SLC16A1: variants seen among roughly 807,000 people sequenced by gnomAD.
The protein encoded by SLC16A1 is solute carrier family 16 member 1.
SLC16A1 carries 11 observed loss-of-function variants against 32.2 expected under a neutral mutation model. The ratio of observed to expected loss-of-function variants is 0.34; its 90% confidence interval spans 0.21 to 0.56. The LOEUF is 0.56. Ranked by LOEUF, SLC16A1 falls within the 20% of genes least tolerant of loss-of-function variation. The pLI, the probability that SLC16A1 is intolerant of heterozygous loss-of-function variation, is 0.87. For synonymous variants in SLC16A1, 231 were observed against 226.8 expected, an observed-to-expected ratio of 1.02 and a Z score of -0.17; for missense variants, 435 against 615.0, an observed-to-expected ratio of 0.71 and a Z score of 3.10.
chr1:112,920,800 A>G (rs184578263), intron 3 of SLC16A1, among the ~76,000 whole-genome samples: 145 of 152,226 alleles, frequency 9.5e-4, no homozygotes, highest in African/African-American at 3.2e-3. Flanking sequence ...TAATAAGGGA[A>G]AAACATTGGA....
At chr1:112,945,133 G>A (rs544489241) in intron 1 of SLC16A1, among the ~76,000 whole-genome samples, 73 of 151,570 alleles carry the variant, frequency 4.8e-4, no homozygotes, top group Non-Finnish European at 9.6e-4. Context: ...TAAATAGCTC[G>A]GATTACAGGT....
At position 112,912,291 on chromosome 1, in the gene SLC16A1, T is replaced by C. The variant is rs1358136773; in HGVS notation, c.*1600A>G. ...ATTTAGCAAGGCCCAAAATGAAACC[T>C]GGTAATGAAAATGAAGACACAGCAA... On this transcript the variant is annotated 3_prime_UTR_variant, in exon 5 of 5. Coordinates refer to ENST00000369626, the MANE Select transcript of SLC16A1 (RefSeq NM_003051.4). 1.3e-5 allele frequency: 2 copies of C among 152,226 alleles called. No individual in the cohort carries two copies. The highest frequency in any genetic ancestry group is 2.9e-5 in the Non-Finnish European group (2 of 68,036). 9.4% of individuals were successfully genotyped at this position (152,226 alleles called of 1,614,324 possible).
chr1:112,944,449 G>A (rs915448922), intron 1 of SLC16A1, among the ~76,000 whole-genome samples: 15 of 152,056 alleles, frequency 9.9e-5, no homozygotes, highest in South Asian at 8.3e-4. Context: ...CTCAAAAAAC[G>A]AAAAACAAAG....
Position 112,913,847 on chromosome 1 carries a change from T to C in SLC16A1, c.*44A>G. ...CAGGCCAGTAGAATATTTTCAGATATCCTGGGTCATGAACTGCTCAATTTA... is the reference window on the plus strand; with the variant it reads ...CAGGCCAGTAGAATATTTTCAGATACCCTGGGTCATGAACTGCTCAATTTA... On this transcript the variant is annotated 3_prime_UTR_variant, in exon 5 of 5. Coordinates refer to ENST00000369626, the MANE Select transcript of SLC16A1 (RefSeq NM_003051.4). The C allele has an allele frequency of 6.2e-7, 1 of 1,611,664 alleles. No individual in the cohort carries two copies. Among genetic ancestry groups the C allele is most frequent in the Non-Finnish European group, 8.5e-7 (1 of 1,177,824 alleles).
At chr1:112,935,264 A>G (rs1228062925) in intron 1 of SLC16A1, among the ~76,000 whole-genome samples, 2 of 152,068 alleles carry the variant, frequency 1.3e-5, no homozygotes, top group African/African-American at 2.4e-5. Flanking sequence ...AAAATACAAA[A>G]ATTAGCCAGG....
At chr1:112,916,749 G>C (rs1172114979) in intron 4 of SLC16A1, among the ~76,000 whole-genome samples, 15 of 151,882 alleles carry the variant, frequency 9.9e-5, no homozygotes, top group Non-Finnish European at 2.2e-4. Context: ...GGCCAACATG[G>C]CGAAACCCTG....
intron 2 of SLC16A1, among the ~76,000 whole-genome samples, chr1:112,927,119 CAAAA>C (rs761951516): frequency 5.2e-5 from 3 of 57,604 alleles, no homozygotes; most frequent in Non-Finnish European, 7.7e-5. Context: ...GACCCTGTGT[CAAAA>C]AAAAAAAAAA....
chr1:112,914,255 A>G (rs1648426780), intron 4 of SLC16A1, 90 bp from the exon 5 acceptor site: 1 of 1,390,848 alleles, frequency 7.2e-7, no homozygotes, highest in Non-Finnish European at 1.0e-6. Context: ...ATTCAGAAAG[A>G]TGTCAATCCA....
chr1:112,932,740 G>A (rs907848109), intron 1 of SLC16A1, among the ~76,000 whole-genome samples: 46 of 140,900 alleles, frequency 3.3e-4, no homozygotes, highest in African/African-American at 1.1e-3. Flanking sequence ...GTTGCAGTGA[G>A]CCGAGATCGC....
chr1:112,941,303 CAG>C lies in SLC16A1; in HGVS notation c.-44-11953_-44-11952del, dbSNP rs1311427335. Among the ~76,000 whole-genome samples the C allele has an allele frequency of 6.9e-5, 8 of 116,564 alleles. No homozygotes were observed. In the East Asian group the frequency reaches 1.7e-3, roughly 25 times the overall value. The allele number at this position is 116,564 out of a possible 152,430, so 76.5% of individuals were successfully genotyped here. A position where few individuals can be genotyped will look rare whatever the true frequency, so the allele number is the denominator to read the frequency against. On this transcript the variant is annotated intron_variant, in intron 1 of 4. Coordinates refer to ENST00000369626, the MANE Select transcript of SLC16A1 (RefSeq NM_003051.4). The stretch of plus-strand genomic sequence containing the variant: ...CTTTTTTTTTTTTTTTTTTTTGAGA[CAG>C]AGTTTCGCTCTTGCTGCCCAGGCTG...
chr1:112,917,680 T>C lies in SLC16A1; in HGVS notation c.726A>G (p.Lys242=). Residue 242 remains lysine, a synonymous_variant, in exon 4 of 5, where the codon AAA becomes AAG. Transcript: ENST00000369626. The surrounding 1 kb of genome is among the most constrained non-coding windows in gnomAD (Gnocchi z 4.1). ...GATTAATTGTTTGGAAGACTGATCG[T>C]TTCTCTTGTTTAGGGTGTCTTCCAA... ...DLIGRHPKQE[K]RSVFQTINQF... 1.9e-6 allele frequency: 3 copies of C among 1,614,240 alleles called. No individual in the cohort carries two copies. The highest frequency in any genetic ancestry group is 2.2e-5 in the South Asian group (2 of 91,082).
chr1:112,940,809 A>G (rs556151944), intron 1 of SLC16A1, among the ~76,000 whole-genome samples: 1 of 152,250 alleles, frequency 6.6e-6, no homozygotes, highest in South Asian at 2.1e-4. Flanking sequence ...TTAGTCAGTT[A>G]AAAAAGAACA....
In SLC16A1 at chr1:112,917,803, C is replaced by T; in HGVS notation, c.603G>A (p.Lys201=). Residue 201 remains lysine (K), a synonymous_variant, in exon 4 of 5, where the codon AAG becomes AAA. Coordinates refer to ENST00000369626, the MANE Select transcript of SLC16A1 (RefSeq NM_003051.4). The surrounding 1 kb of genome is among the most constrained non-coding windows in gnomAD (Gnocchi z 4.1). ...ACTTATCTTTCCCTGCCTTGGTTGG[C>T]TTGGGCCCGATTGGTCGCATGAGGG... ...AGALMRPIGP[K]PTKAGKDKSK... 6.2e-7 allele frequency: 1 copy of T among 1,614,166 alleles called. No homozygotes were observed. Among genetic ancestry groups the T allele is most frequent in the Non-Finnish European group, 8.5e-7 (1 of 1,180,038 alleles).
At chr1:112,951,500 A>G (rs1288170939) in intron 1 of SLC16A1, among the ~76,000 whole-genome samples, 3 of 152,218 alleles carry the variant, frequency 2.0e-5, no homozygotes, top group Admixed American at 1.3e-4. Context: ...ATCATCAATA[A>G]GAGTGTTCAA....
chr1:112,955,978 G>C (rs1055632187), intron 1 of SLC16A1, 57 bp downstream of exon 1: 2 of 152,202 alleles, frequency 1.3e-5, no homozygotes, highest in African/African-American at 4.8e-5. Flanking sequence ...ACCCCACCAG[G>C]GCAGCGAGGG....
At chr1:112,945,853 A>G (rs1372328889) in intron 1 of SLC16A1, among the ~76,000 whole-genome samples, 1 of 151,914 alleles carries the variant, frequency 6.6e-6, no homozygotes, top group South Asian at 2.1e-4. Flanking sequence ...TTAGCCAGGC[A>G]TGGTGGCGCA....
intron 1 of SLC16A1, among the ~76,000 whole-genome samples, chr1:112,929,692 A>T (rs545024659): frequency 1.4e-4 from 21 of 152,268 alleles, no homozygotes; most frequent in African/African-American, 4.1e-4. Context: ...CAAAAAAATT[A>T]AAAAATTAGC....
Position 112,912,538 on chromosome 1 carries a change from G to C in SLC16A1, c.*1353C>G, listed in dbSNP as rs960705347. 6.6e-6 allele frequency: 1 copy of C among 151,924 alleles called. No individual in the cohort carries two copies. Among genetic ancestry groups the C allele is most frequent in the Non-Finnish European group, 1.5e-5 (1 of 67,968 alleles). The allele number at this position is 151,924 out of a possible 1,614,324, so 9.4% of individuals were successfully genotyped here. On this transcript the variant is annotated 3_prime_UTR_variant, in exon 5 of 5. Transcript: ENST00000369626. ...AAAAAATATTTACAGTTTTCATTCT[G>C]GTCCACCTTCCCTCCTTATCCTTAT... is the stretch of plus-strand genomic sequence containing the variant.
At chr1:112,944,347 G>T (rs1649617421) in intron 1 of SLC16A1, among the ~76,000 whole-genome samples, 1 of 152,176 alleles carries the variant, frequency 6.6e-6, no homozygotes, top group South Asian at 2.1e-4. Flanking sequence ...AGCTACATGG[G>T]AGGCTGAGGA....
Sources: allele counts gnomAD v4.1 joint callset (sites outside exome capture counted in the v4.1 genomes callset), GRCh38; gene constraint gnomAD v4.1.1; non-coding constraint Gnocchi (gnomAD v3.1); transcripts MANE v1.5; gene names NCBI Gene and HGNC (gene_info 2026-07-23, HGNC 2026-07-21).